The following PCDHA5 variants were observed in gnomAD, a reference collection of about 807,000 sequenced individuals.
PCDHA5 encodes the protein protocadherin alpha 5, also known as protocadherin alpha-5.
In PCDHA5, 43 loss-of-function variants were observed where a neutral mutation model predicts 61.6. That is an observed-to-expected ratio of 0.70 (90% CI 0.55 to 0.90). The LOEUF (loss-of-function observed/expected upper bound fraction) is 0.90. Among genes scored for constraint, PCDHA5 ranks in the 40% least tolerant of loss-of-function variants. The pLI, the probability that PCDHA5 is intolerant of heterozygous loss-of-function variation, is 0.00. For synonymous variants in PCDHA5, 627 were observed against 543.9 expected (o/e 1.15, Z -2.13); for missense variants, 1,298 against 1,222.7 (o/e 1.06, Z -0.92).
chr5:141,009,707 A>C lies in PCDHA5; in HGVS notation c.2581A>C (p.Asn861His). 6.2e-7 allele frequency: 1 copy of C among 1,614,144 alleles called. No individual in the cohort carries two copies. Among genetic ancestry groups the C allele is most frequent in the African/African-American group, 1.3e-5 (1 of 75,024 alleles). The change falls in exon 4 of 4, where the codon AAC becomes CAC. Residue 861 changes from asparagine (N) to histidine (H), a missense_variant. By Grantham distance (68) the Asn-to-His change is moderately conservative. Transcript: ENST00000529859. ...CTGGACCTTTAAATACGGACCAGGC[A>C]ACCCCAAACAATCCGGTCCCGGTGA... is the stretch of plus-strand genomic sequence containing the variant. ...NSWTFKYGPG[N>H]PKQSGPGELP...
At position 140,850,419 on chromosome 5, in the gene PCDHA5, G is replaced by C. The variant is rs1465099022; in HGVS notation, c.2352+26292G>C. On this transcript the variant is annotated intron_variant, in intron 1 of 3. Transcript: ENST00000529859. ...AACGCGTGCCCTGGACGAAACGGAC[G>C]CACCGCGCCAGCGCCTACTGGTGCT... is the stretch of plus-strand genomic sequence containing the variant. The C allele has an allele frequency of 1.9e-6, 3 of 1,597,838 alleles. No homozygotes were observed. The South Asian group carries it at 3.3e-5, about 18-fold the overall frequency.
chr5:140,965,493 C>A (rs1214376252), intron 1 of PCDHA5, among the ~76,000 whole-genome samples: 1 of 147,046 alleles, frequency 6.8e-6, no homozygotes, highest in African/African-American at 2.5e-5. Flanking sequence ...TTAATGACAG[C>A]AGATTTTTTT....
chr5:140,929,326 G>A, intron 1 of PCDHA5: 1 of 1,538,470 alleles, frequency 6.5e-7, no homozygotes. Context: ...CAATGCCATG[G>A]TAAGCAAATT....
intron 1 of PCDHA5, chr5:140,857,813 G>A (rs17844346): frequency 6.3e-7 from 1 of 1,597,700 alleles, no homozygotes; most frequent in African/African-American, 1.3e-5. Flanking sequence ...TGCGGGTCAC[G>A]TGGTGGCTAA....
At chr5:141,000,419 ATATTTTTTT>A (rs2097927194) in intron 3 of PCDHA5, among the ~76,000 whole-genome samples, 6 of 60,996 alleles carry the variant, frequency 9.8e-5, no homozygotes, top group Non-Finnish European at 1.1e-4. Flanking sequence ...ATATATATAT[ATATTTTTTT>A]TTTTTTTTTT....
In PCDHA5 at chr5:140,883,707, A is replaced by G. The variant is rs565073045; in HGVS notation, c.2352+59580A>G. 6 of 1,613,636 alleles carry G rather than the reference A, an allele frequency of 3.7e-6. No individual in the cohort carries two copies. Among genetic ancestry groups the G allele is most frequent in the East Asian group, 4.5e-5 (2 of 44,860 alleles). On this transcript the variant is annotated intron_variant, in intron 1 of 3. Transcript: ENST00000529859. ...TGCCACATCTTCACGGTGTCTGCTC[A>G]GGACGCGGACGCACAGGAGAACGCG...
At chr5:140,877,652 C>T (rs1456022709) in intron 1 of PCDHA5, 1 of 1,613,400 alleles carries the variant, frequency 6.2e-7, no homozygotes, top group Non-Finnish European at 8.5e-7. Context: ...TCAGCGCCGC[C>T]CACCGTGAGC....
At chr5:140,836,409 C>T in intron 1 of PCDHA5, 1 of 1,613,780 alleles carries the variant, frequency 6.2e-7, no homozygotes, top group South Asian at 1.1e-5. Flanking sequence ...CGGCCAGGCA[C>T]CAAAGGCGTC....
At chr5:140,871,804 T>C (rs538101432) in intron 1 of PCDHA5, among the ~76,000 whole-genome samples, 75 of 152,364 alleles carry the variant, frequency 4.9e-4, no homozygotes, top group Non-Finnish European at 7.9e-4. Flanking sequence ...ATTACTATTT[T>C]CACTAAAGTA....
intron 1 of PCDHA5, among the ~76,000 whole-genome samples, chr5:140,946,661 G>C (rs2094005923): frequency 7.6e-6 from 1 of 132,422 alleles, no homozygotes; most frequent in Non-Finnish European, 1.6e-5. Flanking sequence ...CCATTAGAAA[G>C]AATGAAATCC....
At chr5:140,850,835 T>C in intron 1 of PCDHA5, 5 of 1,597,984 alleles carry the variant, frequency 3.1e-6, no homozygotes, top group Non-Finnish European at 4.3e-6. Flanking sequence ...CTCCTTGTGC[T>C]GGATCTACAG....
At chr5:140,860,259 A>T (rs559860776) in intron 1 of PCDHA5, 1 of 151,706 alleles carries the variant, frequency 6.6e-6, no homozygotes. Flanking sequence ...TTTAGTCCCT[A>T]CTGTAGTGCT....
chr5:140,857,802 T>C, intron 1 of PCDHA5: 1 of 1,596,456 alleles, frequency 6.3e-7, no homozygotes, highest in Non-Finnish European at 8.6e-7. Flanking sequence ...CGGTCGGTGG[T>C]TGCGGGTCAC....
At chr5:140,850,197 C>T (rs2150472731) in intron 1 of PCDHA5, 3 of 1,593,590 alleles carry the variant, frequency 1.9e-6, no homozygotes, top group Admixed American at 1.7e-5. Flanking sequence ...GCTGCTGACA[C>T]CTCGGATGAG....
At chr5:140,915,626 G>GTC (rs57920489) in intron 1 of PCDHA5, among the ~76,000 whole-genome samples, 4,335 of 146,228 alleles carry the variant, frequency 0.03, 91 homozygotes, top group African/African-American at 0.067. Flanking sequence ...GTCTCTTTCT[G>GTC]TCTCTCTCTC....
intron 1 of PCDHA5, chr5:140,841,298 T>C (rs1554138068): frequency 6.4e-7 from 1 of 1,567,044 alleles, no homozygotes; most frequent in Admixed American, 2.0e-5. Flanking sequence ...GATAATATTT[T>C]CTGATAGGAA....
chr5:140,877,590 G>A (rs996962116), intron 1 of PCDHA5: 20 of 1,613,708 alleles, frequency 1.2e-5, no homozygotes, highest in Admixed American at 1.7e-5. Flanking sequence ...CCATCTGTGC[G>A]GTGTCCAGCC....
chr5:140,948,426 G>A (rs1301925814), intron 1 of PCDHA5, among the ~76,000 whole-genome samples: 1 of 151,446 alleles, frequency 6.6e-6, no homozygotes, highest in African/African-American at 2.4e-5. Flanking sequence ...TCTTCCTTCA[G>A]TGAAACATTC....
intron 1 of PCDHA5, among the ~76,000 whole-genome samples, chr5:140,914,207 A>C (rs1485868934): frequency 6.6e-6 from 1 of 152,060 alleles, no homozygotes; most frequent in Admixed American, 6.6e-5. Context: ...TGTGATCTCT[A>C]TCTCTCTTTT....
Sources: gnomAD v4.1 joint callset for allele counts (sites outside exome capture counted in the v4.1 genomes callset) on GRCh38, gnomAD v4.1.1 for gene constraint, MANE v1.5 for transcripts, NCBI Gene and HGNC (gene_info 2026-07-23, HGNC 2026-07-21) for gene names.